Variants in ESRRG observed in about 807,000 individuals in gnomAD.
The protein encoded by ESRRG is estrogen-related receptor gamma.
Under a neutral mutation model 44.0 loss-of-function variants are expected in ESRRG, and 13 were observed. The ratio of observed to expected loss-of-function variants is 0.30; its 90% CI spans 0.19 to 0.47. The LOEUF (loss-of-function observed/expected upper bound fraction) is 0.47. Ranked by LOEUF, ESRRG falls within the 20% of genes least tolerant of loss-of-function variation. The probability of loss-of-function intolerance (pLI) is 1.00; values close to 1 mark genes in which losing one functional copy is unlikely to be tolerated. For synonymous variants in ESRRG, 215 were observed against 214.6 expected, an observed-to-expected ratio of 1.00 and a Z score of -0.02; for missense variants, 395 against 580.6, an observed-to-expected ratio of 0.68 and a Z score of 3.29.
chr1:216,835,196 T>C (rs1015229632), intron 2 of ESRRG, among the ~76,000 whole-genome samples: 2 of 152,138 alleles, frequency 1.3e-5, no homozygotes, highest in Non-Finnish European at 1.5e-5. Context: ...AAAGAAAAAC[T>C]TCAGCTGATT....
rs915300014 is a variant in ESRRG, at chr1:217,041,158, T to TA, written c.-106+48348dup. 1.4e-4 allele frequency among the ~76,000 whole-genome samples: 21 copies of TA among 152,074 alleles called. No homozygotes were observed. In the Middle Eastern group the frequency reaches 0.01, roughly 74 times the overall value. On this transcript the variant is annotated intron_variant, in intron 1 of 7. Coordinates refer to the ESRRG transcript ENST00000359162. ...TGAAAAAATATTCTCATCTTTTTCA[T>TA]AAAAAAACACGAAATCACAGAGACC... is the stretch of plus-strand genomic sequence containing the variant.
Position 216,519,359 on chromosome 1 carries a change from A to C in ESRRG, c.925T>G (p.Leu309Val), listed in dbSNP as rs1206734214. The change falls in exon 6 of 7, where the codon TTG becomes GTG. Residue 309 changes from leucine to valine, a missense_variant. Leu to Val is a conservative substitution (Grantham distance 32). This residue lies in a region of ESRRG where 167 missense variants were observed against 251.8 expected (regional missense o/e 0.66). Coordinates refer to ENST00000408911, the MANE Select transcript of ESRRG (RefSeq NM_001438.4). ...SLLQSAWMEILILGVVYRSLS... is the reference protein window; with the variant it reads ...SLLQSAWMEIVILGVVYRSLS... ...GACCGGTATACGACACCAAGGATCA[A>C]AATTTCCATCCAAGCACTCTGCAGA... 1.9e-6 allele frequency: 3 copies of C among 1,613,646 alleles called. No individual in the cohort carries two copies. The highest frequency in any genetic ancestry group is 3.3e-5 in the Admixed American group (2 of 59,946).
chr1:217,001,324 T>C (rs2077010995), intron 1 of ESRRG, among the ~76,000 whole-genome samples: 1 of 152,196 alleles, frequency 6.6e-6, no homozygotes, highest in Admixed American at 6.5e-5. Context: ...ATTACCGTCT[T>C]TACAGACCCT....
intron 5 of ESRRG, among the ~76,000 whole-genome samples, chr1:216,546,636 A>G (rs1253417619): frequency 1.3e-5 from 2 of 152,062 alleles, no homozygotes; most frequent in Non-Finnish European, 2.9e-5. Context: ...AGATGTATCA[A>G]TGAAATCTAC....
chr1:216,709,120 C>T (rs767581140), intron 1 of ESRRG, among the ~76,000 whole-genome samples: 6 of 151,812 alleles, frequency 4.0e-5, no homozygotes, highest in Non-Finnish European at 5.9e-5. Flanking sequence ...ATGTAGATGA[C>T]GGGTTGATAG....
intron 2 of ESRRG, chr1:216,805,218 G>T (rs2094750189): frequency 6.6e-6 from 1 of 152,160 alleles, no homozygotes; most frequent in Admixed American, 6.6e-5. Context: ...ACTGAATTTG[G>T]TGACATGCAA....
intron 1 of ESRRG, among the ~76,000 whole-genome samples, chr1:217,000,079 T>G (rs1228694072): frequency 6.6e-6 from 1 of 152,218 alleles, no homozygotes; most frequent in African/African-American, 2.4e-5. Flanking sequence ...TCTTTGCTTA[T>G]CCCCAAGATT....
chr1:216,679,055 A>G (rs185680410), intron 1 of ESRRG, among the ~76,000 whole-genome samples: 18 of 152,336 alleles, frequency 1.2e-4, no homozygotes, highest in African/African-American at 4.1e-4. Context: ...CTTACCAAAG[A>G]TATTTCACTT....
intron 2 of ESRRG, among the ~76,000 whole-genome samples, chr1:216,854,072 G>C (rs1485670314): frequency 6.6e-6 from 1 of 152,074 alleles, no homozygotes; most frequent in Non-Finnish European, 1.5e-5. Context: ...AAGCTCCCTA[G>C]ATGTGGCAGG....
chr1:216,569,858 C>T (rs1183840170), intron 3 of ESRRG, among the ~76,000 whole-genome samples: 1 of 152,126 alleles, frequency 6.6e-6, no homozygotes. Context: ...GCGACGGGCT[C>T]TGTAAAACTC....
upstream of ESRRG, among the ~76,000 whole-genome samples, chr1:216,727,053 T>C (rs531439772): frequency 1.1e-4 from 17 of 152,330 alleles, no homozygotes; most frequent in African/African-American, 4.1e-4. Context: ...TTTTAGCTCC[T>C]ATCTTTCTTT....
intron 3 of ESRRG, among the ~76,000 whole-genome samples, chr1:216,616,237 C>T (rs1376198392): frequency 1.3e-5 from 2 of 151,954 alleles, no homozygotes; most frequent in African/African-American, 2.4e-5. Flanking sequence ...CTACCCAAAC[C>T]CGTGGGTGCA....
At chr1:216,899,589 A>G (rs2058827905) in intron 2 of ESRRG, among the ~76,000 whole-genome samples, 1 of 152,224 alleles carries the variant, frequency 6.6e-6, no homozygotes, top group African/African-American at 2.4e-5. Flanking sequence ...TGACTTCAAC[A>G]TGTGAACACT....
chr1:216,868,856 A>G (rs1295307531), intron 2 of ESRRG, among the ~76,000 whole-genome samples: 3 of 152,274 alleles, frequency 2.0e-5, no homozygotes, highest in African/African-American at 7.2e-5. Context: ...TATGCATTTC[A>G]TATATTTCCT....
intron 1 of ESRRG, among the ~76,000 whole-genome samples, chr1:217,035,758 G>T (rs2082777057): frequency 6.6e-6 from 1 of 151,800 alleles, no homozygotes; most frequent in Non-Finnish European, 1.5e-5. Flanking sequence ...GTTTTAAGGA[G>T]ACTTAGGATT....
chr1:217,057,930 C>T (rs1344101496), intron 1 of ESRRG, among the ~76,000 whole-genome samples: 1 of 152,014 alleles, frequency 6.6e-6, no homozygotes, highest in Non-Finnish European at 1.5e-5. Context: ...GATTGGACAC[C>T]ACTGAATTAA....
chr1:216,709,249 A>T (rs906693838), intron 1 of ESRRG, among the ~76,000 whole-genome samples: 3 of 152,076 alleles, frequency 2.0e-5, no homozygotes, highest in African/African-American at 7.2e-5. Flanking sequence ...GACAATACAT[A>T]TACATGCAAA....
intron 2 of ESRRG, among the ~76,000 whole-genome samples, chr1:216,745,498 G>C (rs2091289358): frequency 6.6e-6 from 1 of 152,028 alleles, no homozygotes; most frequent in Admixed American, 6.6e-5. Flanking sequence ...ATATGTTTTT[G>C]CTTCTTTCAT....
intron 1 of ESRRG, among the ~76,000 whole-genome samples, chr1:217,133,657 T>TCTCTC (rs1558298475): frequency 2.7e-4 from 16 of 59,132 alleles, no homozygotes; most frequent in Admixed American, 7.7e-4. Context: ...CTTTCTTTCT[T>TCTCTC]TCTTTCTTTC....
Sources: gnomAD v4.1 joint callset for allele counts (sites outside exome capture counted in the v4.1 genomes callset) on GRCh38, gnomAD v4.1.1 for gene constraint, gnomAD v4.1.1 regional missense constraint, MANE v1.5 for transcripts, NCBI Gene and HGNC (gene_info 2026-07-23, HGNC 2026-07-21) for gene names.